The following MTHFD1L variants were observed in gnomAD, a reference collection of about 807,000 sequenced individuals.
The protein encoded by MTHFD1L is monofunctional C1-tetrahydrofolate synthase, mitochondrial.
In MTHFD1L, 81 loss-of-function variants were observed where a neutral mutation model predicts 119.5. The ratio of observed to expected loss-of-function variants is 0.68; its 90% CI spans 0.57 to 0.82. MTHFD1L has a LOEUF of 0.82. Ranked by LOEUF, MTHFD1L falls within the 40% of genes least tolerant of loss-of-function variation. The pLI, the probability that MTHFD1L is intolerant of heterozygous loss-of-function variation, is 0.00. For synonymous variants in MTHFD1L, 430 were observed against 475.2 expected, an observed-to-expected ratio of 0.90 and a Z score of 1.24; for missense variants, 1,125 against 1,253.4, an observed-to-expected ratio of 0.90 and a Z score of 1.55.
intron 20 of MTHFD1L, among the ~76,000 whole-genome samples, chr6:151,005,717 T>C (rs894601042): frequency 3.3e-5 from 5 of 152,144 alleles, no homozygotes; most frequent in Non-Finnish European, 7.3e-5. Flanking sequence ...GAGGTTGCAG[T>C]GAGCTGTGAT....
In MTHFD1L at chr6:150,960,343, C is replaced by G; in HGVS notation, c.1872C>G (p.Asp624Glu). 1 of 1,614,082 alleles carries G rather than the reference C, an allele frequency of 6.2e-7. No individual in the cohort carries two copies. Among genetic ancestry groups the G allele is most frequent in the Non-Finnish European group, 8.5e-7 (1 of 1,179,982 alleles). Residue 624 changes from aspartate (D) to glutamate (E), a missense_variant, in exon 18 of 28, where the codon GAC (aspartate) becomes GAG (glutamate). Transcript: ENST00000367321. ...AVLALTDSLA[D>E]MKARLGRMVV... ...TGGCCCTGACGGACAGCCTCGCAGA[C>G]ATGAAGGCACGGCTGGGAAGGATGG...
At chr6:151,017,807 G>A (rs1380827513) in intron 24 of MTHFD1L, among the ~76,000 whole-genome samples, 1 of 145,550 alleles carries the variant, frequency 6.9e-6, no homozygotes, top group Non-Finnish European at 1.5e-5. Context: ...ATATGTACAA[G>A]TATCCCTTCA....
chr6:151,009,049 G>A (rs1324767104), intron 20 of MTHFD1L, among the ~76,000 whole-genome samples: 7 of 151,004 alleles, frequency 4.6e-5, no homozygotes, highest in Non-Finnish European at 1.0e-4. Context: ...TTGAACCCGG[G>A]AGGCGGAGGT....
intron 20 of MTHFD1L, among the ~76,000 whole-genome samples, chr6:151,006,027 G>GT (rs1211931623): frequency 6.6e-6 from 1 of 152,152 alleles, no homozygotes; most frequent in Non-Finnish European, 1.5e-5. Context: ...GTCCCATCCT[G>GT]TTTTTTCATT....
At chr6:150,975,076 C>T (rs979819424) in intron 20 of MTHFD1L, among the ~76,000 whole-genome samples, 5 of 152,214 alleles carry the variant, frequency 3.3e-5, no homozygotes, top group Admixed American at 6.5e-5. Flanking sequence ...AATATTCCAT[C>T]GTATGGATAG....
intron 11 of MTHFD1L, among the ~76,000 whole-genome samples, chr6:150,930,957 G>A (rs1583621638): frequency 6.6e-6 from 1 of 152,108 alleles, no homozygotes; most frequent in Non-Finnish European, 1.5e-5. Context: ...TATTTGCTTT[G>A]CCTGACAAAA....
At chr6:150,912,734 A>G (rs201832773) in intron 8 of MTHFD1L, 10 of 509,022 alleles carry the variant, frequency 2.0e-5, no homozygotes, top group African/African-American at 7.7e-5. Flanking sequence ...CCCTGGAGAA[A>G]TCATGAGTTA....
chr6:150,984,738 C>T (rs946607086), intron 20 of MTHFD1L, among the ~76,000 whole-genome samples: 20 of 152,120 alleles, frequency 1.3e-4, no homozygotes, highest in African/African-American at 4.3e-4. Context: ...AACAGAATTT[C>T]TTAAAGATCA....
At chr6:150,963,177 A>G (rs1796703735) in intron 18 of MTHFD1L, among the ~76,000 whole-genome samples, 1 of 152,030 alleles carries the variant, frequency 6.6e-6, no homozygotes, top group African/African-American at 2.4e-5. Context: ...TGGCCTCCCA[A>G]CGTGTTGGGA....
intron 20 of MTHFD1L, among the ~76,000 whole-genome samples, chr6:150,995,957 G>A (rs977297689): frequency 3.9e-5 from 6 of 152,030 alleles, no homozygotes; most frequent in African/African-American, 1.2e-4. Context: ...CACGGTGCCT[G>A]GCCAACATAT....
intron 17 of MTHFD1L, 98 bp downstream of exon 17, chr6:150,956,169 TG>T: frequency 8.3e-7 from 1 of 1,211,308 alleles, no homozygotes; most frequent in Admixed American, 1.8e-5. Flanking sequence ...ATCCCCAACC[TG>T]TTGTGGCCAG....
At position 151,057,378 on chromosome 6, in the gene MTHFD1L, C is replaced by T. The variant is rs534605653; in HGVS notation, c.2847+20261C>T. The T allele has an allele frequency of 2.1e-5, 21 of 983,284 alleles. No individual in the cohort carries two copies. The South Asian group carries it at 2.8e-4, about 13-fold the overall frequency. The allele number at this position is 983,284 out of a possible 1,614,324, so 60.9% of individuals were successfully genotyped here. On this transcript the variant is annotated intron_variant, in intron 26 of 27. Transcript: ENST00000367321. ...GAGACCGGCCAGGTACTGTGGCTCA[C>T]GTCTGTAATCCCAACATTTTGGGAG...
At chr6:151,065,079 C>T (rs1791087659) in intron 26 of MTHFD1L, among the ~76,000 whole-genome samples, 1 of 152,230 alleles carries the variant, frequency 6.6e-6, no homozygotes, top group Non-Finnish European at 1.5e-5. Flanking sequence ...GCTGGGATTA[C>T]AGGTGTGAGC....
intron 15 of MTHFD1L, among the ~76,000 whole-genome samples, chr6:150,946,009 T>TA (rs199690183): frequency 0.011 from 1,703 of 151,504 alleles, 14 homozygotes; most frequent in Middle Eastern, 0.021. Flanking sequence ...GCCCATCTCT[T>TA]AAAAAAAAAT....
chr6:150,930,776 A>C (rs926491533), intron 11 of MTHFD1L, among the ~76,000 whole-genome samples: 6 of 152,126 alleles, frequency 3.9e-5, no homozygotes, highest in Non-Finnish European at 7.4e-5. Flanking sequence ...ATGGGATTAA[A>C]ATATAAAACA....
intron 8 of MTHFD1L, 131 bp from the exon 9 acceptor site, chr6:150,918,446 C>T (rs936378319): frequency 2.7e-5 from 19 of 693,392 alleles, no homozygotes; most frequent in Non-Finnish European, 4.4e-5. Flanking sequence ...AGTCTGCAGC[C>T]GTGCCCCGAC....
Position 150,881,960 on chromosome 6 carries a change from C to A in MTHFD1L, c.418-802C>A, listed in dbSNP as rs565338015. Among the ~76,000 whole-genome samples the A allele has an allele frequency of 1.6e-4, 24 of 152,314 alleles. 1 individual carries two copies. In the South Asian group the frequency reaches 5.0e-3, roughly 32 times the overall value. On this transcript the variant is annotated intron_variant, in intron 4 of 27. Transcript: ENST00000367321. ...TGGTAAACCAACCCTTCCCCAGAGC[C>A]TCTGAGTGAGATCTATATGCAAAGA... is the stretch of plus-strand genomic sequence containing the variant.
At chr6:150,953,427 G>A (rs1795133932) in intron 16 of MTHFD1L, among the ~76,000 whole-genome samples, 1 of 152,178 alleles carries the variant, frequency 6.6e-6, no homozygotes, top group Non-Finnish European at 1.5e-5. Flanking sequence ...TAAGAGGCTG[G>A]CACTGTCTTC....
At chr6:151,014,578 T>C (rs973860732) in intron 22 of MTHFD1L, among the ~76,000 whole-genome samples, 6 of 152,228 alleles carry the variant, frequency 3.9e-5, no homozygotes, top group African/African-American at 1.2e-4. Context: ...CTCACCCACC[T>C]GGGGCCTTGT....
Sources: gnomAD v4.1 joint callset for allele counts (sites outside exome capture counted in the v4.1 genomes callset) on GRCh38, gnomAD v4.1.1 for gene constraint, MANE v1.5 for transcripts, NCBI Gene and HGNC (gene_info 2026-07-23, HGNC 2026-07-21) for gene names.